ROBO1: variants seen among roughly 807,000 people sequenced by gnomAD.
ROBO1 encodes roundabout homolog 1.
In ROBO1, 149 loss-of-function variants were observed where a neutral mutation model predicts 195.9. The observed-to-expected ratio is 0.76, with a 90% CI of 0.67 to 0.87. The LOEUF (loss-of-function observed/expected upper bound fraction) is 0.87, where lower values mean the gene tolerates loss of function less well. Among genes scored for constraint, ROBO1 ranks in the 40% least tolerant of loss-of-function variants. The probability of loss-of-function intolerance (pLI) is 0.00; values close to 1 mark genes in which losing one functional copy is unlikely to be tolerated. For missense variants in ROBO1, 1,933 were observed against 2,068.3 expected (o/e 0.93, Z 1.27); for synonymous variants, 816 against 733.2 (o/e 1.11, Z -1.82).
chr3:78,951,817 A>G (rs331168), intron 3 of ROBO1, among the ~76,000 whole-genome samples: 151,024 of 152,232 alleles, frequency 0.99, 74,918 homozygotes, highest in Middle Eastern at 1. Flanking sequence ...AAAGTCACAC[A>G]AGATTTATGA....
intron 4 of ROBO1, among the ~76,000 whole-genome samples, chr3:78,850,937 G>A (rs1386771871): frequency 6.6e-6 from 1 of 152,020 alleles, no homozygotes; most frequent in Admixed American, 6.6e-5. Context: ...CTCCTGAGTA[G>A]CTGGGATTAC....
In ROBO1 at chr3:79,665,800, A is replaced by G. The variant is rs1361859917; in HGVS notation, c.-50-75839T>C. On this transcript the variant is annotated intron_variant, in intron 1 of 30. Transcript: ENST00000464233. ...TCATAGATAAAGAGAGAAAATTGTGAAGGTCCTTGAAATTACAGGAAAGGA... is the reference window on the plus strand; with the variant it reads ...TCATAGATAAAGAGAGAAAATTGTGGAGGTCCTTGAAATTACAGGAAAGGA... Among the ~76,000 whole-genome samples the G allele has an allele frequency of 4.6e-5, 7 of 151,958 alleles. No homozygotes were observed. The South Asian group carries it at 1.4e-3, about 31-fold the overall frequency.
intron 2 of ROBO1, among the ~76,000 whole-genome samples, chr3:79,139,932 A>G (rs1236147887): frequency 6.6e-6 from 1 of 152,210 alleles, no homozygotes; most frequent in Non-Finnish European, 1.5e-5. Context: ...CTGCCCTTAT[A>G]GTATGAACAA....
chr3:79,203,523 G>A (rs1346442217), intron 2 of ROBO1, among the ~76,000 whole-genome samples: 1 of 152,136 alleles, frequency 6.6e-6, no homozygotes, highest in Non-Finnish European at 1.5e-5. Flanking sequence ...CTTGAAATTT[G>A]AGAAGTCCCT....
At chr3:79,466,237 T>C (rs1427435730) in intron 2 of ROBO1, among the ~76,000 whole-genome samples, 3 of 152,196 alleles carry the variant, frequency 2.0e-5, no homozygotes, top group Non-Finnish European at 2.9e-5. Flanking sequence ...TTTAAAATAA[T>C]GTATGGCTTC....
At chr3:79,651,734 GT>G (rs1396689008) in intron 1 of ROBO1, among the ~76,000 whole-genome samples, 3 of 152,066 alleles carry the variant, frequency 2.0e-5, no homozygotes, top group Non-Finnish European at 2.9e-5. Flanking sequence ...CCTTGGCTTG[GT>G]TTAATGTTTC....
In ROBO1 at chr3:78,938,580, C is replaced by G. The variant is rs752957612; in HGVS notation, c.499+21G>C. On this transcript the variant is annotated intron_variant, in intron 4 of 30. Transcript: ENST00000464233. ...ACTCTGCCACTCCCTCTGCCAAACA[C>G]AGAGCGCCCAGTTTACTTACTGGCT... The G allele has an allele frequency of 1.2e-5, 19 of 1,586,246 alleles. No individual in the cohort carries two copies. In the Admixed American group the frequency reaches 2.8e-4, roughly 23 times the overall value.
At chr3:78,899,550 G>C (rs2037459079) in intron 4 of ROBO1, among the ~76,000 whole-genome samples, 1 of 152,138 alleles carries the variant, frequency 6.6e-6, no homozygotes, top group Non-Finnish European at 1.5e-5. Flanking sequence ...GGGAATGTTT[G>C]CTGTTCAATC....
chr3:78,697,821 CTT>C (rs2081334761), intron 8 of ROBO1, among the ~76,000 whole-genome samples: 1 of 151,982 alleles, frequency 6.6e-6, no homozygotes, highest in South Asian at 2.1e-4. Flanking sequence ...TCTAAAATAA[CTT>C]AAGTATTACA....
intron 1 of ROBO1, among the ~76,000 whole-genome samples, chr3:79,597,502 T>G (rs1391679339): frequency 6.6e-6 from 1 of 152,016 alleles, no homozygotes; most frequent in Non-Finnish European, 1.5e-5. Flanking sequence ...ATTCTATTAT[T>G]TTTCATATAT....
intron 3 of ROBO1, among the ~76,000 whole-genome samples, chr3:79,076,525 G>A (rs552543266): frequency 2.6e-5 from 4 of 151,408 alleles, no homozygotes; most frequent in Non-Finnish European, 5.9e-5. Flanking sequence ...AATTACATTG[G>A]TGGGATATCT....
intron 5 of ROBO1, among the ~76,000 whole-genome samples, chr3:78,725,224 C>A (rs2082134208): frequency 1.3e-5 from 2 of 152,114 alleles, no homozygotes; most frequent in African/African-American, 4.8e-5. Context: ...TATAAACATA[C>A]TTGATGAAAG....
At chr3:79,746,719 A>G (rs533945223) in intron 1 of ROBO1, among the ~76,000 whole-genome samples, 1 of 151,994 alleles carries the variant, frequency 6.6e-6, no homozygotes, top group Non-Finnish European at 1.5e-5. Context: ...TGTAAGTTTT[A>G]TGTCACAAAT....
At chr3:79,144,219 G>C (rs2080593708) in intron 2 of ROBO1, among the ~76,000 whole-genome samples, 1 of 151,940 alleles carries the variant, frequency 6.6e-6, no homozygotes, top group Non-Finnish European at 1.5e-5. Flanking sequence ...AATGCCAAGG[G>C]CATTTGGTAA....
At chr3:79,719,242 T>C (rs553723644) in intron 1 of ROBO1, among the ~76,000 whole-genome samples, 1 of 152,224 alleles carries the variant, frequency 6.6e-6, no homozygotes, top group East Asian at 1.9e-4. Flanking sequence ...CAGCTATCCA[T>C]GCAAAATTAT....
intron 3 of ROBO1, among the ~76,000 whole-genome samples, chr3:79,103,765 T>C (rs1448280169): frequency 6.6e-6 from 1 of 151,760 alleles, no homozygotes; most frequent in East Asian, 1.9e-4. Flanking sequence ...TATATGCTAA[T>C]TGTTTAATTA....
intron 3 of ROBO1, among the ~76,000 whole-genome samples, chr3:79,103,667 T>G (rs976045884): frequency 6.6e-6 from 1 of 151,716 alleles, no homozygotes; most frequent in African/African-American, 2.4e-5. Flanking sequence ...TAAATATAAA[T>G]TTTATCACAT....
At chr3:79,076,397 A>G (rs2079174802) in intron 3 of ROBO1, among the ~76,000 whole-genome samples, 1 of 151,040 alleles carries the variant, frequency 6.6e-6, no homozygotes, top group African/African-American at 2.4e-5. Flanking sequence ...AAGAGACTTA[A>G]ATATAATAAA....
chr3:79,389,919 T>C (rs770493851), intron 2 of ROBO1, among the ~76,000 whole-genome samples: 2 of 152,164 alleles, frequency 1.3e-5, no homozygotes, highest in South Asian at 2.1e-4. Context: ...ATTTCATTTA[T>C]GTTTTTTAAG....
Sources: allele counts gnomAD v4.1 joint callset (sites outside exome capture counted in the v4.1 genomes callset), GRCh38; gene constraint gnomAD v4.1.1; transcripts MANE v1.5; gene names NCBI Gene and HGNC (gene_info 2026-07-23, HGNC 2026-07-21).